STAT1: variants seen among roughly 807,000 people sequenced by gnomAD.
STAT1 encodes the protein signal transducer and activator of transcription 1, also known as signal transducer and activator of transcription 1-alpha/beta.
Under a neutral mutation model 111.7 loss-of-function variants are expected in STAT1, and 24 were observed. That is an observed-to-expected ratio of 0.21 (90% confidence interval 0.16 to 0.30). The LOEUF is 0.30. Ranked by LOEUF, STAT1 falls within the 10% of genes least tolerant of loss-of-function variation. STAT1 has a pLI of 1.00. For synonymous variants in STAT1, 332 were observed against 326.5 expected, an observed-to-expected ratio of 1.02 and a Z score of -0.18; for missense variants, 351 against 911.9, an observed-to-expected ratio of 0.38 and a Z score of 7.92.
chr2:191,001,986 A>G (rs1251772178), intron 5 of STAT1, among the ~76,000 whole-genome samples: 1 of 152,208 alleles, frequency 6.6e-6, no homozygotes, highest in East Asian at 1.9e-4. Context: ...TTTCTTACAC[A>G]GTGCCCTATA....
intron 10 of STAT1, among the ~76,000 whole-genome samples, chr2:190,992,200 A>T (rs1001645579): frequency 1.3e-5 from 2 of 152,246 alleles, no homozygotes; most frequent in African/African-American, 4.8e-5. Context: ...AGGAAGAACT[A>T]GCAAATCAGA....
Position 190,995,221 on chromosome 2 carries a change from T to C in STAT1, c.786-2A>G. On this transcript the variant is annotated splice_acceptor_variant, in intron 9 of 24. Transcript: ENST00000361099. LOFTEE classifies it high-confidence loss of function. This position sits in a 1 kb window ranked among gnomAD's most constrained non-coding sequence, Gnocchi z 4.2. ...AGACTCTCCGCAACTATAGTGAACC[T>C]GGGAAGACACAAGACACAGATGTCT... The C allele has an allele frequency of 6.2e-7, 1 of 1,613,782 alleles. No individual in the cohort carries two copies. Among genetic ancestry groups the C allele is most frequent in the South Asian group, 1.1e-5 (1 of 91,074 alleles).
In STAT1 at chr2:190,995,462, A is replaced by G. The variant is rs1476189175; in HGVS notation, c.786-243T>C. Among the ~76,000 whole-genome samples, 4 of 152,166 alleles carry G rather than the reference A, an allele frequency of 2.6e-5. No individual in the cohort carries two copies. Among genetic ancestry groups the G allele is most frequent in the Non-Finnish European group, 5.9e-5 (4 of 68,036 alleles). ...CATCTTACATGGTGGCAGGCAAGAG[A>G]GTTTGTGGAGGGAAATTCCCACTTA... is the stretch of plus-strand genomic sequence containing the variant. On this transcript the variant is annotated intron_variant, in intron 9 of 24. Coordinates refer to ENST00000361099, the MANE Select transcript of STAT1 (RefSeq NM_007315.4). The surrounding 1 kb of genome is among the most constrained non-coding windows in gnomAD (Gnocchi z 4.2).
Position 190,970,422 on chromosome 2 carries a change from G to A in STAT1, c.*281C>T, listed in dbSNP as rs762197567. On this transcript the variant is annotated 3_prime_UTR_variant, in exon 25 of 25. Coordinates refer to ENST00000361099, the MANE Select transcript of STAT1 (RefSeq NM_007315.4). This position sits in a 1 kb window ranked among gnomAD's most constrained non-coding sequence, Gnocchi z 5.4. ...CCTTTCCCAAAGGACCCTCATTCTCGTCCTGATACTTTGGGTGTATCTGGA... is the reference window on the plus strand; with the variant it reads ...CCTTTCCCAAAGGACCCTCATTCTCATCCTGATACTTTGGGTGTATCTGGA... 25 of 508,078 alleles carry A rather than the reference G, an allele frequency of 4.9e-5. No homozygotes were observed. The highest frequency in any genetic ancestry group is 6.4e-5 in the Non-Finnish European group (18 of 279,328). The allele number at this position is 508,078 out of a possible 1,614,324, so 31.5% of individuals were successfully genotyped here.
rs1177448370 is a variant in STAT1 at position 190,987,844 on chromosome 2, A to G, written c.1098-776T>C. On this transcript the variant is annotated intron_variant, in intron 12 of 24. Transcript: ENST00000361099. This position sits in a 1 kb window ranked among gnomAD's most constrained non-coding sequence, Gnocchi z 4.0. ...TTGTGAATGACAATCACCATTAGCT[A>G]TGGAAGGGACCTATTTTCCCGTTTG... Among the ~76,000 whole-genome samples, 1 of 152,194 alleles carries G rather than the reference A, an allele frequency of 6.6e-6. No homozygotes were observed. Among genetic ancestry groups the G allele is most frequent in the Non-Finnish European group, 1.5e-5 (1 of 68,026 alleles).
Position 190,983,826 on chromosome 2 carries a change from G to A in STAT1, c.1348-86C>T. 1 of 1,124,610 alleles carries A rather than the reference G, an allele frequency of 8.9e-7. No individual in the cohort carries two copies. The highest frequency in any genetic ancestry group is 1.2e-5 in the South Asian group (1 of 80,262). 69.7% of individuals were successfully genotyped at this position (1,124,610 alleles called of 1,614,324 possible). A position where few individuals can be genotyped will look rare whatever the true frequency, so the allele number is the denominator to read the frequency against. On this transcript the variant is annotated intron_variant, in intron 16 of 24. Coordinates refer to ENST00000361099, the MANE Select transcript of STAT1 (RefSeq NM_007315.4). This position sits in a 1 kb window ranked among gnomAD's most constrained non-coding sequence, Gnocchi z 5.7. ...TGCTTAGCCTCAACTAAAAGCAGGG[G>A]ATTATTTGTAAATTTGTACATATTT...
rs1692252151 is a variant in STAT1 at position 190,980,124 on chromosome 2, T to C, written c.1633-258A>G. ...CTTCCCTTTCCAAACAGTAGCAAGC[T>C]AGCCTGGGGGTGACCTCCAGCGTGA... is the stretch of plus-strand genomic sequence containing the variant. On this transcript the variant is annotated intron_variant, in intron 19 of 24. Coordinates refer to ENST00000361099, the MANE Select transcript of STAT1 (RefSeq NM_007315.4). The surrounding 1 kb of genome is among the most constrained non-coding windows in gnomAD (Gnocchi z 6.1). Among the ~76,000 whole-genome samples the C allele has an allele frequency of 6.6e-6, 1 of 152,192 alleles. No homozygotes were observed. The highest frequency in any genetic ancestry group is 1.5e-5 in the Non-Finnish European group (1 of 68,020).
Position 190,979,068 on chromosome 2 carries a change from T to A in STAT1, c.1728-67A>T. On this transcript the variant is annotated intron_variant, in intron 20 of 24. Transcript: ENST00000361099. This position sits in a 1 kb window ranked among gnomAD's most constrained non-coding sequence, Gnocchi z 5.8. ...CATGATTTCCATTTTCATGCTAACTTACAAACCAAGAAAATGGCTGGAATG... is the reference window on the plus strand; with the variant it reads ...CATGATTTCCATTTTCATGCTAACTAACAAACCAAGAAAATGGCTGGAATG... 1 of 1,600,158 alleles carries A rather than the reference T, an allele frequency of 6.2e-7. No homozygotes were observed. Among genetic ancestry groups the A allele is most frequent in the Non-Finnish European group, 8.5e-7 (1 of 1,170,102 alleles).
chr2:190,995,827 CACT>C lies in STAT1; in HGVS notation c.786-611_786-609del, dbSNP rs1182688197. Among the ~76,000 whole-genome samples the C allele has an allele frequency of 6.6e-6, 1 of 152,148 alleles. No homozygotes were observed. Among genetic ancestry groups the C allele is most frequent in the East Asian group, 1.9e-4 (1 of 5,196 alleles). On this transcript the variant is annotated intron_variant, in intron 9 of 24. Transcript: ENST00000361099. The surrounding 1 kb of genome is among the most constrained non-coding windows in gnomAD (Gnocchi z 4.2). Reference sequence around the variant, plus strand: ...GCCTACATCAAAAACTTCTACACACCACTGAGGCCTATGTGAGGAGAGATGGGT... The same window carrying C: ...GCCTACATCAAAAACTTCTACACACCGAGGCCTATGTGAGGAGAGATGGGT...
At position 191,004,424 on chromosome 2, in the gene STAT1, G is replaced by T. The variant is rs921913192; in HGVS notation, c.372+3139C>A. On this transcript the variant is annotated intron_variant, in intron 5 of 24. Coordinates refer to ENST00000361099, the MANE Select transcript of STAT1 (RefSeq NM_007315.4). This position sits in a 1 kb window ranked among gnomAD's most constrained non-coding sequence, Gnocchi z 5.0. ...AGAAAAGTCTTCTGCTCAGGAAGGG[G>T]GTCCTTTCCAATGGAGTGAGCAGTT... Among the ~76,000 whole-genome samples, 5 of 152,142 alleles carry T rather than the reference G, an allele frequency of 3.3e-5. No homozygotes were observed. Among genetic ancestry groups the T allele is most frequent in the Non-Finnish European group, 5.9e-5 (4 of 68,026 alleles).
chr2:190,986,056 C>T lies in STAT1; in HGVS notation c.1222-396G>A, dbSNP rs139190712. Reference sequence around the variant, plus strand: ...CCAGGTCCACCTGCCCTCAAGTGGACGTCAATCTCTGAGCTGTCAATCCCT... The same window carrying T: ...CCAGGTCCACCTGCCCTCAAGTGGATGTCAATCTCTGAGCTGTCAATCCCT... On this transcript the variant is annotated intron_variant, in intron 14 of 24. Transcript: ENST00000361099. This position sits in a 1 kb window ranked among gnomAD's most constrained non-coding sequence, Gnocchi z 5.0. 3.2e-3 allele frequency among the ~76,000 whole-genome samples: 481 copies of T among 152,288 alleles called. 7 individuals carry two copies. Among genetic ancestry groups the T allele is most frequent in the African/African-American group, 0.011 (446 of 41,552 alleles).
rs1237485559 is a variant in STAT1, at chr2:190,970,415, C to CA, written c.*287dup. 1 of 496,476 alleles carries CA rather than the reference C, an allele frequency of 2.0e-6. No homozygotes were observed. Among genetic ancestry groups the CA allele is most frequent in the African/African-American group, 1.9e-5 (1 of 51,466 alleles). 30.8% of individuals were successfully genotyped at this position (496,476 alleles called of 1,614,324 possible). A position where few individuals can be genotyped will look rare whatever the true frequency, so the allele number is the denominator to read the frequency against. ...AACTTCTCCTTTCCCAAAGGACCCT[C>CA]ATTCTCGTCCTGATACTTTGGGTGT... is the stretch of plus-strand genomic sequence containing the variant. On this transcript the variant is annotated 3_prime_UTR_variant, in exon 25 of 25. Coordinates refer to ENST00000361099, the MANE Select transcript of STAT1 (RefSeq NM_007315.4). The surrounding 1 kb of genome is among the most constrained non-coding windows in gnomAD (Gnocchi z 5.4).
chr2:191,005,345 T>C (rs1574668643), intron 5 of STAT1, among the ~76,000 whole-genome samples: 1 of 152,198 alleles, frequency 6.6e-6, no homozygotes, highest in East Asian at 1.9e-4. Context: ...ATATACACAG[T>C]CATGTACCAC....
rs2125063367 is a variant in STAT1 at position 190,995,300 on chromosome 2, G to A, written c.786-81C>T. The A allele has an allele frequency of 3.6e-6, 5 of 1,370,860 alleles. No homozygotes were observed. The highest frequency in any genetic ancestry group is 5.2e-6 in the Non-Finnish European group (5 of 964,154). The allele number at this position is 1,370,860 out of a possible 1,614,324, so 84.9% of individuals were successfully genotyped here. A position where few individuals can be genotyped will look rare whatever the true frequency, so the allele number is the denominator to read the frequency against. On this transcript the variant is annotated intron_variant, in intron 9 of 24. Coordinates refer to ENST00000361099, the MANE Select transcript of STAT1 (RefSeq NM_007315.4). This position sits in a 1 kb window ranked among gnomAD's most constrained non-coding sequence, Gnocchi z 4.2. ...GATTAAAGGGAATCATGGTATATTA[G>A]TCCATTCTCATGCTGCTAATAAAGA...
chr2:190,983,854 T>C lies in STAT1; in HGVS notation c.1348-114A>G, dbSNP rs185484471. 8.7e-5 allele frequency: 76 copies of C among 870,918 alleles called. No homozygotes were observed. Among genetic ancestry groups the C allele is most frequent in the Admixed American group, 4.7e-4 (24 of 50,886 alleles). The allele number at this position is 870,918 out of a possible 1,614,324, so 53.9% of individuals were successfully genotyped here. A position where few individuals can be genotyped will look rare whatever the true frequency, so the allele number is the denominator to read the frequency against. On this transcript the variant is annotated intron_variant, in intron 16 of 24. Coordinates refer to ENST00000361099, the MANE Select transcript of STAT1 (RefSeq NM_007315.4). This position sits in a 1 kb window ranked among gnomAD's most constrained non-coding sequence, Gnocchi z 5.7. The stretch of plus-strand genomic sequence containing the variant: ...TATTTGTAAATTTGTACATATTTAA[T>C]ACTTGAAAATGAGAAGTGTTAAGTT...
In STAT1 at chr2:190,975,354, A is replaced by G. The variant is rs1182971804; in HGVS notation, c.2136-422T>C. On this transcript the variant is annotated intron_variant, in intron 23 of 24. Transcript: ENST00000361099. This position sits in a 1 kb window ranked among gnomAD's most constrained non-coding sequence, Gnocchi z 5.9. ...TAAAGCTGCTCCACACAGTGTTTTT[A>G]CATGAAGGCTACATCCATTCACCCC... 1 of 486,718 alleles carries G rather than the reference A, an allele frequency of 2.1e-6. No homozygotes were observed. The highest frequency in any genetic ancestry group is 4.2e-6 in the Non-Finnish European group (1 of 239,698). 30.1% of individuals were successfully genotyped at this position (486,718 alleles called of 1,614,324 possible).
In STAT1 at chr2:190,970,564, C is replaced by T; in HGVS notation, c.*139G>A. 2.2e-6 allele frequency: 2 copies of T among 893,902 alleles called. No homozygotes were observed. Among genetic ancestry groups the T allele is most frequent in the Non-Finnish European group, 1.8e-6 (1 of 545,038 alleles). 55.4% of individuals were successfully genotyped at this position (893,902 alleles called of 1,614,324 possible). A position where few individuals can be genotyped will look rare whatever the true frequency, so the allele number is the denominator to read the frequency against. On this transcript the variant is annotated 3_prime_UTR_variant, in exon 25 of 25. Transcript: ENST00000361099. The surrounding 1 kb of genome is among the most constrained non-coding windows in gnomAD (Gnocchi z 5.4). Reference sequence around the variant, plus strand: ...TCTGAGTTAGAGAAAAATTCACTTGCTATCAACAGGTTGCAGCGAATTTGC... The same window carrying T: ...TCTGAGTTAGAGAAAAATTCACTTGTTATCAACAGGTTGCAGCGAATTTGC...
rs1209841496 is a variant in STAT1, at chr2:190,978,925, G to T, written c.1804C>A (p.Arg602=). Residue 602 remains arginine (R), a synonymous_variant, in exon 21 of 25, where the codon CGG becomes AGG. Transcript: ENST00000361099. The surrounding 1 kb of genome is among the most constrained non-coding windows in gnomAD (Gnocchi z 6.1). ...KDQQPGTFLL[R]FSESSREGAI... ...CCTTCCCGGGAGCTCTCACTGAACC[G>T]CAGCAGGAAGGTCCCCGGCTGCTGG... 6.2e-7 allele frequency: 1 copy of T among 1,613,996 alleles called. No individual in the cohort carries two copies. The highest frequency in any genetic ancestry group is 8.5e-7 in the Non-Finnish European group (1 of 1,180,008).
At chr2:191,010,457 A>C in intron 2 of STAT1, 1 of 450,340 alleles carries the variant, frequency 2.2e-6, no homozygotes, top group South Asian at 1.7e-5. Flanking sequence ...TCCCTAGAAC[A>C]ATGTCAACCA....
Sources: allele counts gnomAD v4.1 joint callset (sites outside exome capture counted in the v4.1 genomes callset), GRCh38; gene constraint gnomAD v4.1.1; non-coding constraint Gnocchi (gnomAD v3.1); transcripts MANE v1.5; gene names NCBI Gene and HGNC (gene_info 2026-07-23, HGNC 2026-07-21).